PRKD1: variants seen among roughly 807,000 people sequenced by gnomAD.
The protein encoded by PRKD1 is protein kinase D1.
Under a neutral mutation model 95.9 loss-of-function variants are expected in PRKD1, and 63 were observed. The observed-to-expected ratio is 0.66, with a 90% CI of 0.54 to 0.81. The LOEUF is 0.81. Ranked by LOEUF, PRKD1 falls within the 30% of genes least tolerant of loss-of-function variation. The pLI, the probability that PRKD1 is intolerant of heterozygous loss-of-function variation, is 0.00. For missense variants in PRKD1, 1,048 were observed against 1,165.3 expected, an observed-to-expected ratio of 0.90 and a Z score of 1.47; for synonymous variants, 425 against 423.1, an observed-to-expected ratio of 1.00 and a Z score of -0.05.
At chr14:29,701,858 T>G (rs190695861) in intron 2 of PRKD1, among the ~76,000 whole-genome samples, 1 of 152,300 alleles carries the variant, frequency 6.6e-6, no homozygotes, top group East Asian at 1.9e-4. Context: ...GATCTGAGGC[T>G]GATATTCTAT....
rs1258884145 is a variant in PRKD1 at position 29,577,070 on chromosome 14, C to T, written c.*168G>A. On this transcript the variant is annotated 3_prime_UTR_variant, in exon 18 of 18. Coordinates refer to ENST00000331968, the MANE Select transcript of PRKD1 (RefSeq NM_002742.3). ...CAGTTGGTCACACAAAATACAAATG[C>T]TTCTGTTGATTTGTCTTGGCAACTC... 6 of 703,754 alleles carry T rather than the reference C, an allele frequency of 8.5e-6. No individual in the cohort carries two copies. Among genetic ancestry groups the T allele is most frequent in the Non-Finnish European group, 1.4e-5 (6 of 428,134 alleles). 43.6% of individuals were successfully genotyped at this position (703,754 alleles called of 1,614,324 possible).
At chr14:29,625,105 G>GT (rs1156813692) in intron 12 of PRKD1, among the ~76,000 whole-genome samples, 1 of 152,158 alleles carries the variant, frequency 6.6e-6, no homozygotes, top group African/African-American at 2.4e-5. Flanking sequence ...TAAAGCTAGT[G>GT]TTCACTCACC....
At chr14:29,698,506 A>C (rs1052752536) in intron 2 of PRKD1, among the ~76,000 whole-genome samples, 9 of 152,300 alleles carry the variant, frequency 5.9e-5, no homozygotes, top group African/African-American at 1.9e-4. Context: ...AGTTTGTCAT[A>C]TAAGTTTAAA....
chr14:29,906,736 T>C (rs1028187949), intron 1 of PRKD1, among the ~76,000 whole-genome samples: 5 of 152,258 alleles, frequency 3.3e-5, no homozygotes, highest in African/African-American at 1.2e-4. Flanking sequence ...TGCTGAATGT[T>C]CCCTGTCAGC....
chr14:29,785,838 T>TA (rs964712833), intron 1 of PRKD1, among the ~76,000 whole-genome samples: 26 of 137,474 alleles, frequency 1.9e-4, no homozygotes, highest in African/African-American at 6.2e-4. Flanking sequence ...TAAAATAAAA[T>TA]AAATAAATAA....
At chr14:29,746,468 A>G (rs1449871560) in intron 1 of PRKD1, among the ~76,000 whole-genome samples, 5 of 151,954 alleles carry the variant, frequency 3.3e-5, no homozygotes, top group African/African-American at 1.2e-4. Context: ...ACACACTGTC[A>G]TCTGATTCAG....
chr14:29,895,243 G>A (rs1010294448), intron 1 of PRKD1, among the ~76,000 whole-genome samples: 5 of 152,202 alleles, frequency 3.3e-5, no homozygotes, highest in Admixed American at 2.0e-4. Flanking sequence ...CTTGAACCCG[G>A]GAGGCAGAGG....
intron 2 of PRKD1, among the ~76,000 whole-genome samples, chr14:29,712,152 T>A (rs1368039417): frequency 6.6e-6 from 1 of 152,118 alleles, no homozygotes; most frequent in African/African-American, 2.4e-5. Context: ...TCCCAAATAA[T>A]GTGATTGCAG....
intron 1 of PRKD1, among the ~76,000 whole-genome samples, chr14:29,739,394 T>C (rs971208092): frequency 6.6e-6 from 1 of 152,194 alleles, no homozygotes; most frequent in African/African-American, 2.4e-5. Flanking sequence ...CTCCTTTCTA[T>C]TGAGTTCAAA....
chr14:29,899,471 A>AAT (rs1894245849), intron 1 of PRKD1, among the ~76,000 whole-genome samples: 1 of 151,912 alleles, frequency 6.6e-6, no homozygotes, highest in Non-Finnish European at 1.5e-5. Flanking sequence ...ACATGGTAAA[A>AAT]CCCCATCTCT....
At chr14:29,845,185 T>C (rs1300565801) in intron 1 of PRKD1, among the ~76,000 whole-genome samples, 1 of 152,230 alleles carries the variant, frequency 6.6e-6, no homozygotes, top group East Asian at 1.9e-4. Flanking sequence ...ATACAAATGT[T>C]TTCTTGTTGA....
intron 13 of PRKD1, among the ~76,000 whole-genome samples, chr14:29,609,904 T>C (rs1229737732): frequency 6.6e-6 from 1 of 152,012 alleles, no homozygotes; most frequent in Non-Finnish European, 1.5e-5. Flanking sequence ...CTCGCAGTCA[T>C]TCTTCGTTTC....
intron 2 of PRKD1, among the ~76,000 whole-genome samples, chr14:29,676,193 T>TGTTTTTTTTG (rs1555334434): frequency 2.5e-5 from 2 of 79,176 alleles, no homozygotes; most frequent in Non-Finnish European, 5.3e-5. Context: ...GTTTTTTTTT[T>TGTTTTTTTTG]TTTTTTTTTT....
intron 13 of PRKD1, among the ~76,000 whole-genome samples, chr14:29,601,439 G>A (rs533151520): frequency 1.3e-5 from 2 of 152,054 alleles, no homozygotes; most frequent in African/African-American, 2.4e-5. Context: ...CTGAGCAGAC[G>A]CCTACACATC....
chr14:29,914,219 C>T (rs1348626695), intron 1 of PRKD1, among the ~76,000 whole-genome samples: 1 of 152,172 alleles, frequency 6.6e-6, no homozygotes, highest in Non-Finnish European at 1.5e-5. Flanking sequence ...GGCATTAGCC[C>T]TGGACACAGA....
chr14:29,612,729 A>G (rs1041043398), intron 13 of PRKD1, among the ~76,000 whole-genome samples: 3 of 152,154 alleles, frequency 2.0e-5, no homozygotes, highest in Admixed American at 6.5e-5. Context: ...TATACAGTTT[A>G]TTTTGGAACA....
intron 1 of PRKD1, among the ~76,000 whole-genome samples, chr14:29,737,447 T>C (rs1023389086): frequency 2.0e-5 from 3 of 148,388 alleles, no homozygotes; most frequent in African/African-American, 7.4e-5. Context: ...ATGGAATACA[T>C]CAGGCAGTTG....
intron 1 of PRKD1, among the ~76,000 whole-genome samples, chr14:29,888,693 G>A (rs992910572): frequency 1.1e-4 from 16 of 152,034 alleles, no homozygotes; most frequent in South Asian, 2.1e-4. Context: ...GAAAGTAGAG[G>A]AGTCATGCAA....
In PRKD1 at chr14:29,927,258, G is replaced by A; in HGVS notation, c.255C>T (p.Val85=). ...CGGTGCGGCGACTTACCTTCTGGTC[G>A]ACAATGGAGCAAGCCATCTCGCGGA... ...AHVREMACSI[V]DQKFPECGFY... is the part of the protein sequence containing the mutation. The change falls in exon 1 of 18, where the codon GTC becomes GTT. Residue 85 remains valine, a synonymous_variant. Transcript: ENST00000331968. 6.6e-7 allele frequency: 1 copy of A among 1,507,862 alleles called. No individual in the cohort carries two copies. Among genetic ancestry groups the A allele is most frequent in the Non-Finnish European group, 8.9e-7 (1 of 1,128,916 alleles). The allele number at this position is 1,507,862 out of a possible 1,614,324, so 93.4% of individuals were successfully genotyped here.
Sources: gnomAD v4.1 joint callset for allele counts (sites outside exome capture counted in the v4.1 genomes callset) on GRCh38, gnomAD v4.1.1 for gene constraint, MANE v1.5 for transcripts, NCBI Gene and HGNC (gene_info 2026-07-23, HGNC 2026-07-21) for gene names.